The following ILDR2 variants were observed in gnomAD, a reference collection of about 807,000 sequenced individuals.
The protein encoded by ILDR2 is immunoglobulin like domain containing receptor 2.
In ILDR2, 25 loss-of-function variants were observed where a neutral mutation model predicts 66.8. That is an observed-to-expected ratio of 0.37 (90% CI 0.27 to 0.52). ILDR2 has a LOEUF of 0.52. Ranked by LOEUF, ILDR2 falls within the 20% of genes least tolerant of loss-of-function variation. The pLI, the probability that ILDR2 is intolerant of heterozygous loss-of-function variation, is 0.88. For synonymous variants in ILDR2, 367 were observed against 357.2 expected (o/e 1.03, Z -0.31); for missense variants, 827 against 876.8 (o/e 0.94, Z 0.72).
chr1:166,956,617 A>G, intron 3 of ILDR2, 116 bp downstream of exon 3: 4 of 1,108,472 alleles, frequency 3.6e-6, no homozygotes, highest in Non-Finnish European at 5.2e-6. Flanking sequence ...TGCATGAAAG[A>G]TAAGACTGTG....
chr1:166,927,710 A>G (rs1222761818), intron 6 of ILDR2, among the ~76,000 whole-genome samples: 5 of 152,238 alleles, frequency 3.3e-5, no homozygotes. Flanking sequence ...TGAGTTGTGT[A>G]TAAGAGCTAA....
At position 166,919,024 on chromosome 1, in the gene ILDR2, C is replaced by G. The variant is rs1339549019; in HGVS notation, c.*331G>C. ...ATTTCTGGAGTTTAGCAGTCCAGAG[C>G]TAACTCTCTTTCAGAATTGCAAATG... On this transcript the variant is annotated 3_prime_UTR_variant, in exon 10 of 10. Coordinates refer to ENST00000271417, the MANE Select transcript of ILDR2 (RefSeq NM_199351.3). 2.3e-6 allele frequency: 1 copy of G among 439,452 alleles called. No individual in the cohort carries two copies. Among genetic ancestry groups the G allele is most frequent in the East Asian group, 3.3e-5 (1 of 30,110 alleles). 27.2% of individuals were successfully genotyped at this position (439,452 alleles called of 1,614,324 possible). A position where few individuals can be genotyped will look rare whatever the true frequency, so the allele number is the denominator to read the frequency against.
At chr1:166,905,908 G>A (rs978655002), downstream of ILDR2, among the ~76,000 whole-genome samples, 7 of 152,140 alleles carry the variant, frequency 4.6e-5, no homozygotes, top group South Asian at 2.1e-4. Context: ...AATCCTCATC[G>A]CTTGCCTTCC....
At chr1:166,903,684 G>C (rs1454022791), downstream of ILDR2, among the ~76,000 whole-genome samples, 1 of 152,092 alleles carries the variant, frequency 6.6e-6, no homozygotes, top group East Asian at 1.9e-4. Flanking sequence ...GTGATGTTGG[G>C]GGCCCCTGCA....
At chr1:166,903,862 T>C (rs747917064), downstream of ILDR2, among the ~76,000 whole-genome samples, 1 of 152,358 alleles carries the variant, frequency 6.6e-6, no homozygotes, top group Admixed American at 6.5e-5. Flanking sequence ...TCTCAGTTTC[T>C]TCTTATCCTT....
Position 166,936,853 on chromosome 1 carries a change from G to A in ILDR2, c.557-116C>T. On this transcript the variant is annotated intron_variant, in intron 4 of 9. Coordinates refer to ENST00000271417, the MANE Select transcript of ILDR2 (RefSeq NM_199351.3). This position sits in a 1 kb window ranked among gnomAD's most constrained non-coding sequence, Gnocchi z 5.0. Reference sequence around the variant, plus strand: ...GAGGAGGAGGGACCTAGGGAAGAAAGCTTCTCTTAACAGGAGACAGAGCCC... The same window carrying A: ...GAGGAGGAGGGACCTAGGGAAGAAAACTTCTCTTAACAGGAGACAGAGCCC... 1 of 988,964 alleles carries A rather than the reference G, an allele frequency of 1.0e-6. No individual in the cohort carries two copies. The highest frequency in any genetic ancestry group is 1.5e-6 in the Non-Finnish European group (1 of 653,444). 61.3% of individuals were successfully genotyped at this position (988,964 alleles called of 1,614,324 possible).
chr1:166,923,625 T>C (rs894111090), intron 7 of ILDR2, among the ~76,000 whole-genome samples: 6 of 152,218 alleles, frequency 3.9e-5, no homozygotes, highest in Non-Finnish European at 8.8e-5. Context: ...CCTCTACTTA[T>C]ACTCTGGCCC....
chr1:166,936,852 A>G lies in ILDR2; in HGVS notation c.557-115T>C. 4.0e-6 allele frequency: 4 copies of G among 989,494 alleles called. No individual in the cohort carries two copies. Among genetic ancestry groups the G allele is most frequent in the East Asian group, 2.6e-5 (1 of 38,442 alleles). 61.3% of individuals were successfully genotyped at this position (989,494 alleles called of 1,614,324 possible). On this transcript the variant is annotated intron_variant, in intron 4 of 9. Coordinates refer to ENST00000271417, the MANE Select transcript of ILDR2 (RefSeq NM_199351.3). This position sits in a 1 kb window ranked among gnomAD's most constrained non-coding sequence, Gnocchi z 5.0. ...AGAGGAGGAGGGACCTAGGGAAGAA[A>G]GCTTCTCTTAACAGGAGACAGAGCC...
At chr1:166,930,024 A>G (rs4657614) in intron 6 of ILDR2, among the ~76,000 whole-genome samples, 71,532 of 151,936 alleles carry the variant, frequency 0.47, 17,119 homozygotes, top group East Asian at 0.68. Flanking sequence ...GTGATACTGC[A>G]CTAGAGGTCA....
intron 1 of ILDR2, among the ~76,000 whole-genome samples, chr1:166,969,566 C>T (rs748176123): frequency 6.6e-6 from 1 of 152,190 alleles, no homozygotes; most frequent in Non-Finnish European, 1.5e-5. Context: ...CCTCTGTTCT[C>T]ACGTGCTTTG....
In ILDR2 at chr1:166,914,797, T is replaced by C. The variant is rs1659581108; in HGVS notation, c.*4558A>G. 6.6e-6 allele frequency: 1 copy of C among 152,182 alleles called. No individual in the cohort carries two copies. The highest frequency in any genetic ancestry group is 2.1e-4 in the South Asian group (1 of 4,834). 9.4% of individuals were successfully genotyped at this position (152,182 alleles called of 1,614,324 possible). A position where few individuals can be genotyped will look rare whatever the true frequency, so the allele number is the denominator to read the frequency against. ...AGGACTTTATGTAGCTGGCCCCCTA[T>C]TTTAGTGAATTTGGATTTCTACATC... is the stretch of plus-strand genomic sequence containing the variant. On this transcript the variant is annotated 3_prime_UTR_variant, in exon 10 of 10. Coordinates refer to ENST00000271417, the MANE Select transcript of ILDR2 (RefSeq NM_199351.3).
In ILDR2 at chr1:166,956,736, A is replaced by T; in HGVS notation, c.496T>A (p.Leu166Met). 1 of 1,613,844 alleles carries T rather than the reference A, an allele frequency of 6.2e-7. No individual in the cohort carries two copies. Among genetic ancestry groups the T allele is most frequent in the East Asian group, 2.2e-5 (1 of 44,876 alleles). Residue 166 changes from leucine (L) to methionine (M), a missense_variant, in exon 3 of 10, where the codon TTG becomes ATG. Around this residue, in one of 2 missense-constraint regions of ILDR2, gnomAD observed 437 missense variants for 523.2 expected, o/e 0.84. Coordinates refer to ENST00000271417, the MANE Select transcript of ILDR2 (RefSeq NM_199351.3). ...KNEDSVELLVLGRTGLLADLL... is the reference protein window; with the variant it reads ...KNEDSVELLVMGRTGLLADLL... ...GTCACCTGTTGTTTTCACTTACCCA[A>T]CACCAGCAGTTCCACTGAGTCCTCA...
At chr1:166,961,040 C>T (rs915290358) in intron 1 of ILDR2, among the ~76,000 whole-genome samples, 3 of 152,170 alleles carry the variant, frequency 2.0e-5, no homozygotes, top group African/African-American at 2.4e-5. Context: ...GACCACACCC[C>T]TTTTCTGCTC....
chr1:166,946,924 A>C (rs1661643646), intron 3 of ILDR2, among the ~76,000 whole-genome samples: 1 of 152,236 alleles, frequency 6.6e-6, no homozygotes, highest in Admixed American at 6.5e-5. Flanking sequence ...TGAAATTTTC[A>C]GCACCTTTTA....
intron 3 of ILDR2, among the ~76,000 whole-genome samples, chr1:166,942,571 G>A (rs1352336208): frequency 6.6e-6 from 1 of 152,174 alleles, no homozygotes; most frequent in African/African-American, 2.4e-5. Flanking sequence ...ATGTCTGCAG[G>A]CTGCATAGAG....
chr1:166,953,874 C>G (rs1407077826), intron 3 of ILDR2, among the ~76,000 whole-genome samples: 1 of 152,186 alleles, frequency 6.6e-6, no homozygotes, highest in African/African-American at 2.4e-5. Flanking sequence ...ACATAGAACT[C>G]ATTTCTGAGA....
At chr1:166,956,616 G>C (rs1245460384) in intron 3 of ILDR2, 117 bp downstream of exon 3, 20 of 1,097,298 alleles carry the variant, frequency 1.8e-5, no homozygotes, top group Non-Finnish European at 2.6e-5. Context: ...GTGCATGAAA[G>C]ATAAGACTGT....
At chr1:166,928,405 A>C (rs1660431358) in intron 6 of ILDR2, among the ~76,000 whole-genome samples, 1 of 152,192 alleles carries the variant, frequency 6.6e-6, no homozygotes, top group Non-Finnish European at 1.5e-5. Context: ...ACAGGTGAGA[A>C]AAACAAGGAA....
rs922289733 is a variant in ILDR2, at chr1:166,909,649, T to C, written c.*9706A>G. The C allele has an allele frequency of 1.3e-5, 2 of 150,658 alleles. No individual in the cohort carries two copies. The highest frequency in any genetic ancestry group is 3.0e-5 in the Non-Finnish European group (2 of 67,758). 9.3% of individuals were successfully genotyped at this position (150,658 alleles called of 1,614,324 possible). On this transcript the variant is annotated 3_prime_UTR_variant, in exon 10 of 10. Coordinates refer to ENST00000271417, the MANE Select transcript of ILDR2 (RefSeq NM_199351.3). The stretch of plus-strand genomic sequence containing the variant: ...TGGGGTTGTATATTAATGTCCATTA[T>C]AATTTAACTACATTCAGTTGAACAA...
Sources: allele counts gnomAD v4.1 joint callset (sites outside exome capture counted in the v4.1 genomes callset), GRCh38; gene constraint gnomAD v4.1.1; regional missense constraint gnomAD v4.1.1; non-coding constraint Gnocchi (gnomAD v3.1); transcripts MANE v1.5; gene names NCBI Gene and HGNC (gene_info 2026-07-23, HGNC 2026-07-21).